Variants in TOR1AIP1 observed in about 807,000 individuals in gnomAD.
TOR1AIP1 encodes the protein torsin 1A interacting protein 1.
TOR1AIP1 carries 54 observed loss-of-function variants against 63.3 expected under a neutral mutation model. The observed-to-expected ratio is 0.85, with a 90% CI of 0.69 to 1.07. The LOEUF is 1.07. Ranked by LOEUF, TOR1AIP1 falls within the 50% of genes least tolerant of loss-of-function variation. The probability of loss-of-function intolerance (pLI) is 0.00; values close to 1 mark genes in which losing one functional copy is unlikely to be tolerated. For synonymous variants in TOR1AIP1, 294 were observed against 273.5 expected (o/e 1.07, Z -0.74); for missense variants, 736 against 715.0 (o/e 1.03, Z -0.33).
At chr1:179,909,194 G>A (rs1295698877) in intron 8 of TOR1AIP1, among the ~76,000 whole-genome samples, 1 of 151,972 alleles carries the variant, frequency 6.6e-6, no homozygotes, top group African/African-American at 2.4e-5. Flanking sequence ...ACCAGAGATT[G>A]ATGGATTTTA....
intron 5 of TOR1AIP1, among the ~76,000 whole-genome samples, chr1:179,903,114 T>G (rs1308338206): frequency 3.3e-5 from 5 of 152,044 alleles, no homozygotes; most frequent in Non-Finnish European, 7.4e-5. Context: ...CTACTTTTAT[T>G]TGGGAAAAAA....
At chr1:179,900,283 C>CT in intron 4 of TOR1AIP1, 116 bp downstream of exon 4, 1 of 654,294 alleles carries the variant, frequency 1.5e-6, no homozygotes, top group Non-Finnish European at 2.6e-6. Flanking sequence ...TGGCACATGC[C>CT]TGTAGTCTCA....
Position 179,882,960 on chromosome 1 carries a change from A to G in TOR1AIP1, c.458A>G (p.Asp153Gly), listed in dbSNP as rs903021934. Residue 153 changes from aspartate (D) to glycine (G), a missense_variant, in exon 1 of 10, where the codon GAC becomes GGC. This residue lies in a region of TOR1AIP1 where 464 missense variants were observed against 371.0 expected (regional missense o/e 1.25). Coordinates refer to ENST00000606911, the MANE Select transcript of TOR1AIP1 (RefSeq NM_015602.4). ...GTTATGACCAGGAGAGGGCTGCGGG[A>G]CTCTCATTCCTCTGAAGGTGAGGAC... ...SPVMTRRGLR[D>G]SHSSEEDEAS... 1.9e-6 allele frequency: 3 copies of G among 1,612,466 alleles called. No homozygotes were observed. Among genetic ancestry groups the G allele is most frequent in the Non-Finnish European group, 2.5e-6 (3 of 1,179,524 alleles).
chr1:179,904,139 C>A, intron 6 of TOR1AIP1, 117 bp downstream of exon 6: 1 of 731,146 alleles, frequency 1.4e-6, no homozygotes, highest in Non-Finnish European at 2.1e-6. Context: ...ATAATGAATG[C>A]TAAAAAAAAA....
At chr1:179,887,576 A>C (rs1647948013) in intron 2 of TOR1AIP1, among the ~76,000 whole-genome samples, 1 of 152,190 alleles carries the variant, frequency 6.6e-6, no homozygotes, top group South Asian at 2.1e-4. Flanking sequence ...TTTCACTTAA[A>C]ATAGCCGTTA....
intron 6 of TOR1AIP1, among the ~76,000 whole-genome samples, chr1:179,905,582 A>G (rs1018869981): frequency 6.6e-6 from 1 of 152,104 alleles, no homozygotes; most frequent in African/African-American, 2.4e-5. Flanking sequence ...TATTTGCCCT[A>G]TTTTACTCCA....
chr1:179,912,935 A>G (rs1474910645), intron 8 of TOR1AIP1, among the ~76,000 whole-genome samples: 1 of 152,168 alleles, frequency 6.6e-6, no homozygotes, highest in South Asian at 2.1e-4. Context: ...TACAAAAGTT[A>G]TAAAACTCCA....
chr1:179,901,850 AAG>A (rs1243215840), intron 5 of TOR1AIP1, among the ~76,000 whole-genome samples: 1 of 152,038 alleles, frequency 6.6e-6, no homozygotes, highest in Non-Finnish European at 1.5e-5. Flanking sequence ...GAGTTGACTA[AAG>A]AGAGAAAAAT....
At chr1:179,896,983 A>T (rs971180744) in intron 3 of TOR1AIP1, among the ~76,000 whole-genome samples, 3 of 152,164 alleles carry the variant, frequency 2.0e-5, no homozygotes, top group Non-Finnish European at 4.4e-5. Flanking sequence ...ATCTACGGGG[A>T]TTATTATTAT....
chr1:179,899,063 T>C (rs964764783), intron 3 of TOR1AIP1, among the ~76,000 whole-genome samples: 5 of 152,182 alleles, frequency 3.3e-5, no homozygotes, highest in Admixed American at 6.5e-5. Flanking sequence ...ATTCACCGTA[T>C]AATGTGTTAG....
intron 8 of TOR1AIP1, 118 bp from the exon 9 acceptor site, chr1:179,913,880 G>A (rs1648911768): frequency 8.7e-6 from 8 of 923,132 alleles, no homozygotes; most frequent in South Asian, 3.3e-5. Context: ...TCTGCTTCTG[G>A]CTGATCTCTG....
chr1:179,911,678 C>T (rs1016083417), intron 8 of TOR1AIP1, among the ~76,000 whole-genome samples: 1 of 152,208 alleles, frequency 6.6e-6, no homozygotes, highest in Admixed American at 6.5e-5. Context: ...CCAGTCCTAG[C>T]TCTTCCACTT....
chr1:179,908,064 A>G (rs1029241392), intron 7 of TOR1AIP1, among the ~76,000 whole-genome samples, 200 bp downstream of exon 7: 7 of 151,162 alleles, frequency 4.6e-5, no homozygotes, highest in African/African-American at 1.5e-4. Context: ...GCCCGCCACC[A>G]CGCCCGGCTA....
chr1:179,918,142 T>C lies in TOR1AIP1; in HGVS notation c.1655T>C (p.Met552Thr). 1 of 1,613,772 alleles carries C rather than the reference T, an allele frequency of 6.2e-7. No individual in the cohort carries two copies. Among genetic ancestry groups the C allele is most frequent in the Non-Finnish European group, 8.5e-7 (1 of 1,180,034 alleles). Residue 552 changes from methionine (M) to threonine (T), a missense_variant, in exon 10 of 10, where the codon ATG becomes ACG. Met to Thr is a moderately conservative substitution (Grantham distance 81). Coordinates refer to ENST00000606911, the MANE Select transcript of TOR1AIP1 (RefSeq NM_015602.4). ...NSNTPNSYNH[M>T]DPDKLNGLWS... ...AACACACCCAACTCCTACAATCATA[T>C]GGACCCAGACAAACTGAATGGCCTC...
intron 6 of TOR1AIP1, among the ~76,000 whole-genome samples, chr1:179,905,291 C>T (rs1571733125): frequency 6.6e-6 from 1 of 152,056 alleles, no homozygotes; most frequent in East Asian, 1.9e-4. Context: ...AGAAGAATGG[C>T]GTGAACCTGA....
intron 5 of TOR1AIP1, 144 bp downstream of exon 5, chr1:179,901,532 A>G (rs1265366413): frequency 1.5e-5 from 7 of 454,536 alleles, no homozygotes; most frequent in Non-Finnish European, 1.6e-5. Flanking sequence ...TATTAAAATT[A>G]CTGATTTCGT....
chr1:179,890,415 A>G (rs1648034313), intron 3 of TOR1AIP1, among the ~76,000 whole-genome samples: 1 of 152,208 alleles, frequency 6.6e-6, no homozygotes, highest in African/African-American at 2.4e-5. Flanking sequence ...TTCGATAGAT[A>G]GTTGACTATC....
At chr1:179,890,137 T>C (rs1462178407) in intron 3 of TOR1AIP1, among the ~76,000 whole-genome samples, 2 of 152,224 alleles carry the variant, frequency 1.3e-5, no homozygotes, top group African/African-American at 4.8e-5. Flanking sequence ...AAATTCAAGC[T>C]GGAGCTCTGT....
At chr1:179,887,486 G>A (rs1425346818) in intron 2 of TOR1AIP1, among the ~76,000 whole-genome samples, 1 of 152,108 alleles carries the variant, frequency 6.6e-6, no homozygotes, top group Admixed American at 6.5e-5. Flanking sequence ...GTTATTGGAA[G>A]ACTTGAAAAT....
Sources: allele counts gnomAD v4.1 joint callset (sites outside exome capture counted in the v4.1 genomes callset), GRCh38; gene constraint gnomAD v4.1.1; regional missense constraint gnomAD v4.1.1; transcripts MANE v1.5; gene names NCBI Gene and HGNC (gene_info 2026-07-23, HGNC 2026-07-21).